Variants in CHST9 observed in about 807,000 individuals in gnomAD.
CHST9 encodes the protein GalNAc-4-sulfotransferase 2.
Under a neutral mutation model 44.4 loss-of-function variants are expected in CHST9, and 41 were observed. The observed-to-expected ratio is 0.92, with a 90% confidence interval of 0.72 to 1.20. The LOEUF (loss-of-function observed/expected upper bound fraction) is 1.20, where lower values mean the gene tolerates loss of function less well. CHST9 is among the 50% of genes most tolerant of loss of function. The pLI is 0.00. For synonymous variants in CHST9, 171 were observed against 178.4 expected (o/e 0.96, Z 0.33); for missense variants, 504 against 516.5 (o/e 0.98, Z 0.23).
chr18:27,135,698 G>A (rs1391540392), intron 2 of CHST9, among the ~76,000 whole-genome samples: 1 of 152,160 alleles, frequency 6.6e-6, no homozygotes, highest in African/African-American at 2.4e-5. Context: ...CTGGGGAGGA[G>A]GCCAGGAACC....
At position 27,019,233 on chromosome 18, in the gene CHST9, G is replaced by A. The variant is rs561119365; in HGVS notation, c.202+4883C>T. ...GCAAAGCTCTAGGGCACCAAGTGCC[G>A]GTTTGTGGACCCACAGTAGCCTGCA... On this transcript the variant is annotated intron_variant, in intron 4 of 5. Transcript: ENST00000618847. Among the ~76,000 whole-genome samples, 7 of 152,248 alleles carry A rather than the reference G, an allele frequency of 4.6e-5. No individual in the cohort carries two copies. The East Asian group carries it at 5.8e-4, about 13-fold the overall frequency.
intron 2 of CHST9, among the ~76,000 whole-genome samples, chr18:27,054,572 T>G (rs1317811243): frequency 6.6e-6 from 1 of 152,210 alleles, no homozygotes; most frequent in Non-Finnish European, 1.5e-5. Context: ...AAAGCTATTT[T>G]AGACTTGAGG....
intron 4 of CHST9, among the ~76,000 whole-genome samples, chr18:26,990,360 G>T (rs1026108426): frequency 6.6e-6 from 1 of 152,178 alleles, no homozygotes; most frequent in Non-Finnish European, 1.5e-5. Context: ...ATTGGAAGGA[G>T]GCTGGAGGGA....
intron 4 of CHST9, among the ~76,000 whole-genome samples, chr18:26,978,088 G>A (rs1034149227): frequency 2.8e-5 from 4 of 144,458 alleles, no homozygotes; most frequent in Non-Finnish European, 4.6e-5. Context: ...CTTTTCCTGT[G>A]GTTTTTTTTT....
chr18:27,109,696 G>A (rs535256722), intron 2 of CHST9, among the ~76,000 whole-genome samples: 23 of 152,308 alleles, frequency 1.5e-4, no homozygotes, highest in Admixed American at 1.4e-3. Context: ...CGATCTATCT[G>A]AATCCGTTCA....
intron 4 of CHST9, among the ~76,000 whole-genome samples, chr18:26,996,085 G>C (rs2056885042): frequency 6.6e-6 from 1 of 152,184 alleles, no homozygotes; most frequent in Non-Finnish European, 1.5e-5. Context: ...TCCAATATCT[G>C]AGTCCATCAT....
intron 5 of CHST9, among the ~76,000 whole-genome samples, chr18:26,941,760 C>T (rs563096069): frequency 6.6e-6 from 1 of 152,294 alleles, no homozygotes; most frequent in East Asian, 1.9e-4. Flanking sequence ...AAAAAGCATA[C>T]TAATTTCCCC....
At chr18:27,024,800 T>C (rs1286583223) in intron 3 of CHST9, among the ~76,000 whole-genome samples, 1 of 152,178 alleles carries the variant, frequency 6.6e-6, no homozygotes. Context: ...AGTAAACAGC[T>C]ATAAGAAAGA....
chr18:27,033,986 C>T (rs1409314925), intron 3 of CHST9, among the ~76,000 whole-genome samples: 1 of 152,172 alleles, frequency 6.6e-6, no homozygotes, highest in Non-Finnish European at 1.5e-5. Context: ...CTGTTCATTC[C>T]TTCTTCAAAC....
At chr18:27,073,058 G>A (rs1012686235) in intron 2 of CHST9, among the ~76,000 whole-genome samples, 6 of 152,162 alleles carry the variant, frequency 3.9e-5, no homozygotes, top group African/African-American at 1.2e-4. Flanking sequence ...AGTGACTAGA[G>A]CAGAATCAGC....
chr18:27,180,752 A>G (rs2058905652), intron 1 of CHST9, among the ~76,000 whole-genome samples: 1 of 152,186 alleles, frequency 6.6e-6, no homozygotes, highest in African/African-American at 2.4e-5. Flanking sequence ...GGACACAGGA[A>G]TAAATTACTT....
At chr18:27,179,329 T>A (rs991643183) in intron 1 of CHST9, among the ~76,000 whole-genome samples, 1 of 152,014 alleles carries the variant, frequency 6.6e-6, no homozygotes, top group African/African-American at 2.4e-5. Context: ...TTGAGGGCAG[T>A]GAAGTCTGTG....
intron 1 of CHST9, among the ~76,000 whole-genome samples, chr18:27,177,377 A>G (rs1382523264): frequency 1.3e-5 from 2 of 151,912 alleles, no homozygotes; most frequent in African/African-American, 2.4e-5. Context: ...TTTTACCTAA[A>G]TCCTTACAGA....
intron 2 of CHST9, among the ~76,000 whole-genome samples, chr18:27,079,891 G>T (rs2057943813): frequency 6.6e-6 from 1 of 152,076 alleles, no homozygotes; most frequent in Non-Finnish European, 1.5e-5. Context: ...CATCTCTTTG[G>T]ATTCTGACCC....
intron 4 of CHST9, among the ~76,000 whole-genome samples, chr18:26,989,718 C>T (rs147196734): frequency 2.0e-5 from 3 of 152,168 alleles, no homozygotes; most frequent in African/African-American, 7.2e-5. Context: ...GTAATCCCAG[C>T]ACTTTTGGAT....
chr18:27,109,964 C>T (rs1027491041), intron 2 of CHST9, among the ~76,000 whole-genome samples: 1 of 152,034 alleles, frequency 6.6e-6, no homozygotes, highest in African/African-American at 2.4e-5. Context: ...TGGGAAAGTC[C>T]AATTTCCTTT....
intron 1 of CHST9, among the ~76,000 whole-genome samples, chr18:27,153,142 T>C (rs912071933): frequency 6.6e-6 from 1 of 152,182 alleles, no homozygotes; most frequent in Admixed American, 6.6e-5. Flanking sequence ...CAGTTTAGAA[T>C]GGATTGCCCC....
chr18:27,028,704 G>C (rs1270909686), intron 3 of CHST9, among the ~76,000 whole-genome samples: 1 of 151,946 alleles, frequency 6.6e-6, no homozygotes, highest in Non-Finnish European at 1.5e-5. Context: ...CCCACCACCA[G>C]GCCCGGCTAC....
intron 2 of CHST9, among the ~76,000 whole-genome samples, chr18:27,074,418 G>C (rs753937088): frequency 4.6e-5 from 7 of 152,170 alleles, no homozygotes; most frequent in Non-Finnish European, 1.0e-4. Flanking sequence ...GTTAATGAGA[G>C]TGCCTTTAAA....
Sources: allele counts gnomAD v4.1 joint callset (sites outside exome capture counted in the v4.1 genomes callset), GRCh38; gene constraint gnomAD v4.1.1; transcripts MANE v1.5; gene names NCBI Gene and HGNC (gene_info 2026-07-23, HGNC 2026-07-21).